The following KCNH7 variants were observed in gnomAD, a reference collection of about 807,000 sequenced individuals.
The protein encoded by KCNH7 is voltage-gated inwardly rectifying potassium channel KCNH7.
Under a neutral mutation model 120.8 loss-of-function variants are expected in KCNH7, and 49 were observed. The observed-to-expected ratio is 0.41, with a 90% confidence interval of 0.32 to 0.51. The LOEUF is 0.51. KCNH7 is among the 20% of genes least tolerant of loss of function. The pLI is 0.38. For synonymous variants in KCNH7, 547 were observed against 516.1 expected (o/e 1.06, Z -0.81); for missense variants, 1,097 against 1,446.6 (o/e 0.76, Z 3.92).
At chr2:162,529,815 T>C (rs1009756950) in intron 3 of KCNH7, among the ~76,000 whole-genome samples, 1 of 151,904 alleles carries the variant, frequency 6.6e-6, no homozygotes, top group African/African-American at 2.4e-5. Context: ...ATTATTTCCA[T>C]TTTTTAGACT....
intron 9 of KCNH7, among the ~76,000 whole-genome samples, chr2:162,419,331 A>G (rs1687633244): frequency 6.6e-6 from 1 of 151,790 alleles, no homozygotes; most frequent in Middle Eastern, 3.4e-3. Context: ...AAATAAATGA[A>G]AACTGTTTCT....
chr2:162,471,256 A>AC (rs1036237026), intron 6 of KCNH7, among the ~76,000 whole-genome samples: 1 of 152,094 alleles, frequency 6.6e-6, no homozygotes, highest in Non-Finnish European at 1.5e-5. Flanking sequence ...TTAAAAAAAA[A>AC]AAAAAAAAGG....
intron 6 of KCNH7, among the ~76,000 whole-genome samples, chr2:162,470,575 T>TGG (rs974212906): frequency 6.7e-6 from 1 of 148,262 alleles, no homozygotes; most frequent in Non-Finnish European, 1.5e-5. Flanking sequence ...GGGAGGGAGG[T>TGG]GGGGGTCAGC....
At chr2:162,751,840 G>A (rs1388970088) in intron 2 of KCNH7, among the ~76,000 whole-genome samples, 1 of 151,618 alleles carries the variant, frequency 6.6e-6, no homozygotes, top group Non-Finnish European at 1.5e-5. Context: ...AAGGTTGATT[G>A]TACAAATAAT....
At chr2:162,390,995 G>A (rs148149273) in intron 12 of KCNH7, among the ~76,000 whole-genome samples, 272 of 152,126 alleles carry the variant, frequency 1.8e-3, no homozygotes, top group Non-Finnish European at 3.0e-3. Flanking sequence ...GGCGGCAGGT[G>A]TGGATCAAAG....
At chr2:162,830,089 G>C (rs1349001575) in intron 2 of KCNH7, among the ~76,000 whole-genome samples, 1 of 152,160 alleles carries the variant, frequency 6.6e-6, no homozygotes, top group Non-Finnish European at 1.5e-5. Flanking sequence ...CAAGTGCTAT[G>C]AGGAGACAGA....
chr2:162,406,226 A>G (rs1228664462), intron 9 of KCNH7, among the ~76,000 whole-genome samples: 1 of 151,868 alleles, frequency 6.6e-6, no homozygotes, highest in Non-Finnish European at 1.5e-5. Flanking sequence ...CGCCAGAACA[A>G]GTCTCTCCAG....
chr2:162,596,852 C>A (rs1470978574), intron 2 of KCNH7, among the ~76,000 whole-genome samples: 1 of 151,912 alleles, frequency 6.6e-6, no homozygotes, highest in African/African-American at 2.4e-5. Context: ...TCAAACAACT[C>A]AACAGCAAGA....
At chr2:162,764,833 A>C (rs147284349) in intron 2 of KCNH7, among the ~76,000 whole-genome samples, 1 of 152,324 alleles carries the variant, frequency 6.6e-6, no homozygotes, top group East Asian at 1.9e-4. Flanking sequence ...AGCATCATAC[A>C]TACATTTACT....
intron 2 of KCNH7, among the ~76,000 whole-genome samples, chr2:162,539,625 A>G (rs1217237419): frequency 6.6e-6 from 1 of 152,070 alleles, no homozygotes; most frequent in Non-Finnish European, 1.5e-5. Flanking sequence ...TCATAAAATT[A>G]TAGTGCTTTA....
At chr2:162,826,287 G>A (rs932005711) in intron 2 of KCNH7, among the ~76,000 whole-genome samples, 1 of 152,070 alleles carries the variant, frequency 6.6e-6, no homozygotes, top group Admixed American at 6.6e-5. Context: ...TCCAGGGAGG[G>A]CTGGGATGGT....
chr2:162,685,741 T>C (rs898582343), intron 2 of KCNH7, among the ~76,000 whole-genome samples: 2 of 149,518 alleles, frequency 1.3e-5, no homozygotes, highest in East Asian at 1.9e-4. Flanking sequence ...GAGTGGGAAG[T>C]TAGGGATACA....
intron 5 of KCNH7, among the ~76,000 whole-genome samples, chr2:162,509,987 C>T (rs1164038000): frequency 1.3e-5 from 2 of 151,454 alleles, no homozygotes; most frequent in Non-Finnish European, 3.0e-5. Context: ...TAGATTTTTA[C>T]TGATGACTTG....
chr2:162,718,245 T>C (rs1277105291), intron 2 of KCNH7, among the ~76,000 whole-genome samples: 1 of 151,966 alleles, frequency 6.6e-6, no homozygotes, highest in Non-Finnish European at 1.5e-5. Flanking sequence ...TATGGCCATA[T>C]ACATTTTTTA....
intron 2 of KCNH7, among the ~76,000 whole-genome samples, chr2:162,655,762 C>A (rs1684733300): frequency 6.6e-6 from 1 of 152,248 alleles, no homozygotes; most frequent in East Asian, 1.9e-4. Flanking sequence ...CACTGCACTC[C>A]AGCCTGGTGA....
At chr2:162,473,063 G>A (rs1274826219) in intron 6 of KCNH7, among the ~76,000 whole-genome samples, 1 of 151,900 alleles carries the variant, frequency 6.6e-6, no homozygotes, top group African/African-American at 2.4e-5. Flanking sequence ...ACACACCGGG[G>A]CCTGTTGTGG....
intron 2 of KCNH7, among the ~76,000 whole-genome samples, chr2:162,727,609 C>A (rs531636107): frequency 3.3e-5 from 5 of 152,204 alleles, no homozygotes; most frequent in Admixed American, 3.3e-4. Flanking sequence ...AATGTTTTTT[C>A]TCCTCTATTC....
rs143663799 is a variant in KCNH7 at position 162,666,865 on chromosome 2, T to C, written c.308-129785A>G. The stretch of plus-strand genomic sequence containing the variant: ...TAGTTCCTCTGGTCATTAAAAATTA[T>C]CTTTTCTTTTATTTTGATCTTTAGT... On this transcript the variant is annotated intron_variant, in intron 2 of 15. Transcript: ENST00000332142. Among the ~76,000 whole-genome samples, 120 of 152,240 alleles carry C rather than the reference T, an allele frequency of 7.9e-4. 1 individual carries two copies. The highest frequency in any genetic ancestry group is 3.4e-3 in the Middle Eastern group (1 of 294).
intron 8 of KCNH7, among the ~76,000 whole-genome samples, chr2:162,425,137 C>T (rs149892919): frequency 5.3e-5 from 8 of 152,060 alleles, no homozygotes; most frequent in Non-Finnish European, 7.4e-5. Flanking sequence ...TTTGGACTTG[C>T]GCTCCGACTC....
Sources: allele counts gnomAD v4.1 joint callset (sites outside exome capture counted in the v4.1 genomes callset), GRCh38; gene constraint gnomAD v4.1.1; transcripts MANE v1.5; gene names NCBI Gene and HGNC (gene_info 2026-07-23, HGNC 2026-07-21).